Variants in ANKRD6 observed in about 807,000 individuals in gnomAD.
ANKRD6 encodes ankyrin repeat domain-containing protein 6.
In ANKRD6, 56 loss-of-function variants were observed where a neutral mutation model predicts 82.3. That is an observed-to-expected ratio of 0.68 (90% CI 0.55 to 0.85). The LOEUF is 0.85. Ranked by LOEUF, ANKRD6 falls within the 40% of genes least tolerant of loss-of-function variation. The pLI is 0.00. For synonymous variants in ANKRD6, 347 were observed against 352.1 expected (o/e 0.99, Z 0.16); for missense variants, 852 against 907.6 (o/e 0.94, Z 0.79).
chr6:89,548,298 T>C (rs1259096564), intron 1 of ANKRD6, among the ~76,000 whole-genome samples: 5 of 152,256 alleles, frequency 3.3e-5, no homozygotes, highest in Admixed American at 6.5e-5. Context: ...TGGTGTTTTG[T>C]ATCTGGCTTC....
chr6:89,509,216 G>T (rs1780244384), intron 1 of ANKRD6: 1 of 152,322 alleles, frequency 6.6e-6, no homozygotes, highest in Non-Finnish European at 1.5e-5. Context: ...GCCCAGAGGG[G>T]CGCATCCAGG....
chr6:89,459,030 C>T (rs566257989), intron 1 of ANKRD6, among the ~76,000 whole-genome samples: 1 of 152,200 alleles, frequency 6.6e-6, no homozygotes, highest in East Asian at 1.9e-4. Context: ...CGCTTCGTGT[C>T]CTGTTGGTTC....
At chr6:89,530,233 C>CAACA (rs1214832371) in intron 1 of ANKRD6, among the ~76,000 whole-genome samples, 1 of 152,054 alleles carries the variant, frequency 6.6e-6, no homozygotes, top group Admixed American at 6.6e-5. Flanking sequence ...CCAGCCTGGG[C>CAACA]AACAGAGTGA....
chr6:89,447,266 AG>A (rs1245147747), intron 1 of ANKRD6, among the ~76,000 whole-genome samples: 2 of 151,928 alleles, frequency 1.3e-5, no homozygotes, highest in South Asian at 2.1e-4. Context: ...AAAAAAAGGG[AG>A]GGGGGCCACT....
At chr6:89,455,213 A>G (rs1190474393) in intron 1 of ANKRD6, among the ~76,000 whole-genome samples, 2 of 150,856 alleles carry the variant, frequency 1.3e-5, no homozygotes, top group African/African-American at 4.9e-5. Flanking sequence ...GCATTGCTAT[A>G]CAGAAATAGA....
chr6:89,525,228 A>G (rs952877300), intron 1 of ANKRD6, among the ~76,000 whole-genome samples: 5 of 146,134 alleles, frequency 3.4e-5, no homozygotes, highest in African/African-American at 1.3e-4. Flanking sequence ...TGGGAGGAGG[A>G]GGTTGCAGTG....
Position 89,631,707 on chromosome 6 carries a change from T to C in ANKRD6, c.*703T>C, listed in dbSNP as rs1159716528. 1 of 152,230 alleles carries C rather than the reference T, an allele frequency of 6.6e-6. No homozygotes were observed. The highest frequency in any genetic ancestry group is 2.4e-5 in the African/African-American group (1 of 41,458). The allele number at this position is 152,230 out of a possible 1,614,324, so 9.4% of individuals were successfully genotyped here. On this transcript the variant is annotated 3_prime_UTR_variant, in exon 16 of 16. Transcript: ENST00000339746. ...GATTCAAATTGTTTGTTATTTTCTG[T>C]ATTTTCAGTCAAAAAATCAGTTATA...
intron 1 of ANKRD6, among the ~76,000 whole-genome samples, chr6:89,467,213 T>C (rs759255725): frequency 1.3e-4 from 19 of 151,190 alleles, no homozygotes; most frequent in Non-Finnish European, 2.8e-4. Context: ...TCAACAACTT[T>C]GTTAAATTAA....
intron 1 of ANKRD6, among the ~76,000 whole-genome samples, chr6:89,520,177 A>C (rs1781725997): frequency 6.6e-6 from 1 of 152,066 alleles, no homozygotes; most frequent in Non-Finnish European, 1.5e-5. Context: ...AAGAGATGGG[A>C]TCTCACCATG....
chr6:89,552,977 C>T (rs552935889), intron 1 of ANKRD6, among the ~76,000 whole-genome samples: 21 of 152,246 alleles, frequency 1.4e-4, no homozygotes, highest in African/African-American at 4.8e-4. Context: ...CATGTAGTAC[C>T]GGTGTTTCCA....
chr6:89,487,311 C>T (rs1035317693), intron 1 of ANKRD6, among the ~76,000 whole-genome samples: 4 of 152,218 alleles, frequency 2.6e-5, no homozygotes, highest in Non-Finnish European at 1.5e-5. Context: ...TATGACCATA[C>T]ATCCCACTAA....
intron 1 of ANKRD6, among the ~76,000 whole-genome samples, chr6:89,507,760 A>G (rs1242645049): frequency 2.0e-5 from 3 of 152,238 alleles, no homozygotes; most frequent in African/African-American, 7.2e-5. Flanking sequence ...GCACATACAC[A>G]TCTAATCCTA....
intron 2 of ANKRD6, among the ~76,000 whole-genome samples, chr6:89,591,122 A>G (rs4707552): frequency 0.65 from 98,680 of 151,360 alleles, 34,203 homozygotes; most frequent in Non-Finnish European, 0.79. Flanking sequence ...TCTTTTTTTA[A>G]GGAGAAGGTC....
intron 4 of ANKRD6, among the ~76,000 whole-genome samples, chr6:89,605,476 C>A (rs1189632128): frequency 6.6e-6 from 1 of 152,132 alleles, no homozygotes; most frequent in Non-Finnish European, 1.5e-5. Context: ...GGCCCTGAGG[C>A]TTTTGAATTA....
intron 2 of ANKRD6, among the ~76,000 whole-genome samples, chr6:89,578,055 C>A (rs1400390829): frequency 1.3e-5 from 2 of 152,212 alleles, no homozygotes; most frequent in Non-Finnish European, 2.9e-5. Flanking sequence ...GAGGGTGAGC[C>A]CCCCAGAGTT....
chr6:89,524,285 C>A (rs1291194008), intron 1 of ANKRD6, among the ~76,000 whole-genome samples: 9 of 152,064 alleles, frequency 5.9e-5, no homozygotes, highest in Admixed American at 5.9e-4. Flanking sequence ...GTGTGTAGTC[C>A]TTTATCCCTC....
At chr6:89,594,624 T>C (rs947342156) in intron 2 of ANKRD6, among the ~76,000 whole-genome samples, 2 of 152,216 alleles carry the variant, frequency 1.3e-5, no homozygotes, top group Admixed American at 6.5e-5. Flanking sequence ...CTGGGAGTTG[T>C]TCACGAGGAA....
At chr6:89,622,600 A>G (rs1167989537) in intron 10 of ANKRD6, among the ~76,000 whole-genome samples, 1 of 152,198 alleles carries the variant, frequency 6.6e-6, no homozygotes, top group Non-Finnish European at 1.5e-5. Flanking sequence ...TATATGAATT[A>G]GAAAAAGATG....
At chr6:89,450,274 T>A (rs1190146000) in intron 1 of ANKRD6, among the ~76,000 whole-genome samples, 3 of 151,762 alleles carry the variant, frequency 2.0e-5, no homozygotes, top group African/African-American at 7.3e-5. Context: ...GAGGTGCAGG[T>A]TGTGGTGAGC....
Sources: allele counts gnomAD v4.1 joint callset (sites outside exome capture counted in the v4.1 genomes callset), GRCh38; gene constraint gnomAD v4.1.1; transcripts MANE v1.5; gene names NCBI Gene and HGNC (gene_info 2026-07-23, HGNC 2026-07-21).